The following PRDM11 variants were observed in gnomAD, a reference collection of about 807,000 sequenced individuals.
PRDM11 encodes the protein PR domain-containing protein 11.
PRDM11 carries 20 observed loss-of-function variants against 97.8 expected under a neutral mutation model. The observed-to-expected ratio is 0.20, with a 90% confidence interval of 0.14 to 0.30. The LOEUF is 0.30. Ranked by LOEUF, PRDM11 falls within the 10% of genes least tolerant of loss-of-function variation. PRDM11 has a pLI of 1.00. For missense variants in PRDM11, 1,139 were observed against 1,555.2 expected (o/e 0.73, Z 4.50); for synonymous variants, 599 against 637.7 (o/e 0.94, Z 0.91).
At chr11:45,183,212 C>A in intron 4 of PRDM11, 89 bp downstream of exon 4, 2 of 1,458,212 alleles carry the variant, frequency 1.4e-6, no homozygotes, top group Non-Finnish European at 1.8e-6. Context: ...CCAGCTTGGC[C>A]CCAGAACTTT....
At chr11:45,225,000 G>C in intron 7 of PRDM11, 157 bp downstream of exon 7, 2 of 1,492,964 alleles carry the variant, frequency 1.3e-6, no homozygotes, top group Non-Finnish European at 1.8e-6. Flanking sequence ...CAGGTCCTCA[G>C]TGTCTCTGGC....
In PRDM11 at chr11:45,226,415, AC is replaced by A; in HGVS notation, c.1792del (p.His598ThrfsTer19). 1 of 1,533,970 alleles carries A rather than the reference AC, an allele frequency of 6.5e-7. No individual in the cohort carries two copies. The highest frequency in any genetic ancestry group is 1.2e-5 in the South Asian group (1 of 83,964). ...RNMTLLFNTAYHLALEGRPYL... is the reference protein window; with the variant it reads ...RNMTLLFNTAXHLALEGRPYL... ...ATGACCCTGCTCTTCAACACCGCCT[AC>A]CACCTGGCCTTGGAGGGCAGGCCCT... is the stretch of plus-strand genomic sequence containing the variant. On this transcript the variant is annotated frameshift_variant, in exon 8 of 8. Transcript: ENST00000683152. LOFTEE classifies it high-confidence loss of function.
At chr11:45,132,787 G>C (rs897544964) in intron 1 of PRDM11, among the ~76,000 whole-genome samples, 1 of 152,174 alleles carries the variant, frequency 6.6e-6, no homozygotes, top group Non-Finnish European at 1.5e-5. Flanking sequence ...AGGTCACCCA[G>C]CTACCTAGGG....
At chr11:45,218,408 G>T (rs6416127) in intron 5 of PRDM11, among the ~76,000 whole-genome samples, 106,046 of 152,118 alleles carry the variant, frequency 0.7, 39,864 homozygotes, top group Non-Finnish European at 0.85. Flanking sequence ...CTGTGTTTCT[G>T]TTATTAGTGA....
intron 5 of PRDM11, among the ~76,000 whole-genome samples, chr11:45,215,147 C>A (rs533290087): frequency 6.6e-6 from 1 of 152,312 alleles, no homozygotes; most frequent in East Asian, 1.9e-4. Context: ...GGAGGCATGA[C>A]CCTCCCCACC....
chr11:45,136,989 C>CAAAAAAAAAA (rs759854361), intron 1 of PRDM11, among the ~76,000 whole-genome samples: 16 of 110,030 alleles, frequency 1.5e-4, no homozygotes, highest in East Asian at 3.1e-4. Context: ...ACTAAAAATA[C>CAAAAAAAAAA]AAAAAAAAAA....
At chr11:45,122,677 T>C (rs1159985835) in intron 1 of PRDM11, among the ~76,000 whole-genome samples, 3 of 152,142 alleles carry the variant, frequency 2.0e-5, no homozygotes, top group Non-Finnish European at 2.9e-5. Context: ...GAACTCCTCA[T>C]TTTTTATGGC....
chr11:45,155,633 G>A lies in PRDM11; in HGVS notation c.-7+8756G>A, dbSNP rs951423414. ...GCATTTGGAGAGGGGGTGCAGGGGT[G>A]CCTCAAGGAGGGGTGGAGAGGGAGG... On this transcript the variant is annotated intron_variant, in intron 1 of 7. Coordinates refer to ENST00000683152, the MANE Select transcript of PRDM11 (RefSeq NM_001384648.1). Among the ~76,000 whole-genome samples, 2 of 151,970 alleles carry A rather than the reference G, an allele frequency of 1.3e-5. 1 individual carries two copies. The highest frequency in any genetic ancestry group is 3.9e-4 in the East Asian group (2 of 5,146).
chr11:45,168,795 G>A (rs139089842), intron 1 of PRDM11, among the ~76,000 whole-genome samples: 53 of 151,428 alleles, frequency 3.5e-4, no homozygotes, highest in African/African-American at 1.3e-3. Flanking sequence ...CTCCTTAGAG[G>A]AATCTACACA....
intron 1 of PRDM11, among the ~76,000 whole-genome samples, chr11:45,150,793 A>G (rs1341402558): frequency 1.3e-5 from 2 of 152,182 alleles, no homozygotes; most frequent in East Asian, 1.9e-4. Context: ...GAGGAAGAAG[A>G]AGATGTTGAT....
At chr11:45,172,564 G>A (rs1344912795) in intron 1 of PRDM11, among the ~76,000 whole-genome samples, 1 of 152,098 alleles carries the variant, frequency 6.6e-6, no homozygotes, top group Non-Finnish European at 1.5e-5. Flanking sequence ...AGGAACCAGG[G>A]ACAAAGACCA....
At chr11:45,169,959 A>T (rs1852161882) in intron 1 of PRDM11, among the ~76,000 whole-genome samples, 1 of 152,240 alleles carries the variant, frequency 6.6e-6, no homozygotes, top group South Asian at 2.1e-4. Flanking sequence ...AAACAGAGAA[A>T]TATCTCTACC....
chr11:45,148,832 C>T (rs1379860117), intron 1 of PRDM11, among the ~76,000 whole-genome samples: 2 of 152,092 alleles, frequency 1.3e-5, no homozygotes, highest in East Asian at 1.9e-4. Flanking sequence ...GGGTAGGAGT[C>T]GGGAGTCCTG....
intron 1 of PRDM11, among the ~76,000 whole-genome samples, chr11:45,133,084 A>G (rs1852755819): frequency 6.6e-6 from 1 of 152,184 alleles, no homozygotes; most frequent in Non-Finnish European, 1.5e-5. Context: ...TAAGCTGGAA[A>G]CACATCCAAT....
chr11:45,152,108 C>T (rs1400066287), intron 1 of PRDM11, among the ~76,000 whole-genome samples: 1 of 152,136 alleles, frequency 6.6e-6, no homozygotes, highest in Non-Finnish European at 1.5e-5. Context: ...TACTCTGTCA[C>T]CCAAGCTAGA....
chr11:45,191,873 C>G (rs1047482414), intron 4 of PRDM11, among the ~76,000 whole-genome samples: 3 of 151,852 alleles, frequency 2.0e-5, no homozygotes, highest in Admixed American at 1.3e-4. Flanking sequence ...GATACATGTG[C>G]AGAACCTGCA....
upstream of PRDM11, among the ~76,000 whole-genome samples, chr11:45,145,782 C>T (rs984139188): frequency 6.6e-6 from 1 of 152,178 alleles, no homozygotes; most frequent in Non-Finnish European, 1.5e-5. Flanking sequence ...TCCTCCAAGG[C>T]TTCCAGCCCC....
intron 6 of PRDM11, 139 bp from the exon 7 acceptor site, chr11:45,224,078 C>A: frequency 1.0e-6 from 1 of 987,300 alleles, no homozygotes; most frequent in Non-Finnish European, 1.5e-6. Flanking sequence ...TCGTATCTCC[C>A]CTTTGCAACA....
intron 4 of PRDM11, among the ~76,000 whole-genome samples, chr11:45,186,546 G>A (rs1214759455): frequency 6.6e-6 from 1 of 152,132 alleles, no homozygotes; most frequent in Non-Finnish European, 1.5e-5. Flanking sequence ...TGGAGGGAGA[G>A]GAGTTGAGGA....
Sources: allele counts gnomAD v4.1 joint callset (sites outside exome capture counted in the v4.1 genomes callset), GRCh38; gene constraint gnomAD v4.1.1; transcripts MANE v1.5; gene names NCBI Gene and HGNC (gene_info 2026-07-23, HGNC 2026-07-21).